The following SH3TC2 variants were observed in gnomAD, a reference collection of about 807,000 sequenced individuals.
SH3TC2 encodes SH3 domain and tetratricopeptide repeats 2, also known as SH3 domain and tetratricopeptide repeat-containing protein 2.
In SH3TC2, 87 loss-of-function variants were observed where a neutral mutation model predicts 124.5. The observed-to-expected ratio is 0.70, with a 90% CI of 0.59 to 0.84. SH3TC2 has a LOEUF of 0.84. Among genes scored for constraint, SH3TC2 ranks in the 40% least tolerant of loss-of-function variants. SH3TC2 has a pLI of 0.00. For synonymous variants in SH3TC2, 634 were observed against 628.5 expected, an observed-to-expected ratio of 1.01 and a Z score of -0.13; for missense variants, 1,536 against 1,566.4, an observed-to-expected ratio of 0.98 and a Z score of 0.33.
At position 149,004,523 on chromosome 5, in the gene SH3TC2, C is replaced by A. The variant is rs899069289; in HGVS notation, c.*188G>T. The A allele has an allele frequency of 7.7e-6, 5 of 646,964 alleles. No individual in the cohort carries two copies. The Admixed American group carries it at 1.5e-4, about 19-fold the overall frequency. The allele number at this position is 646,964 out of a possible 1,614,324, so 40.1% of individuals were successfully genotyped here. Reference sequence around the variant, plus strand: ...AAAGCCTGGAACCAGGAATTCTCATCGCTGCACCATCAAATCTTTCTGTGG... The same window carrying A: ...AAAGCCTGGAACCAGGAATTCTCATAGCTGCACCATCAAATCTTTCTGTGG... On this transcript the variant is annotated 3_prime_UTR_variant, in exon 17 of 17. Transcript: ENST00000515425.
chr5:149,012,488 T>G (rs547951260), intron 13 of SH3TC2, 96 bp downstream of exon 13: 2 of 1,468,856 alleles, frequency 1.4e-6, no homozygotes, highest in African/African-American at 2.8e-5. Flanking sequence ...GTGAACATCA[T>G]CCCTCTCTGG....
chr5:149,011,451 CA>C (rs1753781793), intron 13 of SH3TC2, among the ~76,000 whole-genome samples: 1 of 152,228 alleles, frequency 6.6e-6, no homozygotes, highest in Non-Finnish European at 1.5e-5. Context: ...CCAAAAATCG[CA>C]AGGCAGATGG....
rs755666455 is a variant in SH3TC2, at chr5:149,062,993, C to T, written c.30G>A (p.Glu10=). 3 of 1,599,548 alleles carry T rather than the reference C, an allele frequency of 1.9e-6. No homozygotes were observed. The highest frequency in any genetic ancestry group is 3.4e-5 in the Admixed American group (2 of 58,592). The change falls in exon 1 of 17, where the codon GAG becomes GAA. Residue 10 remains glutamate, a synonymous_variant. Coordinates refer to ENST00000515425, the MANE Select transcript of SH3TC2 (RefSeq NM_024577.4). ...CACCTGGGCCCCGGGTCAGACTCCG[C>T]TCCCTGGGGATGCAGAAGCAGCCAC... MGGCFCIPR[E]RSLTRGPGKE...
chr5:149,029,690 A>G (rs1031055243), intron 9 of SH3TC2, among the ~76,000 whole-genome samples: 1 of 152,150 alleles, frequency 6.6e-6, no homozygotes, highest in African/African-American at 2.4e-5. Flanking sequence ...ACAGAGGCCA[A>G]GGTGACTTAA....
At position 148,982,402 on chromosome 5, in the gene SH3TC2, A is replaced by G. The variant is rs551124012; in HGVS notation, c.*22309T>C. 6.6e-6 allele frequency among the ~76,000 whole-genome samples: 1 copy of G among 152,338 alleles called. No individual in the cohort carries two copies. Among genetic ancestry groups the G allele is most frequent in the South Asian group, 2.1e-4 (1 of 4,824 alleles). On this transcript the variant is annotated 3_prime_UTR_variant, in exon 17 of 17. Coordinates refer to ENST00000515425, the MANE Select transcript of SH3TC2 (RefSeq NM_024577.4). ...TTCACTTTTGTGGAATTTTTCCTAC[A>G]TATATAATCACAATCACATGAAATG...
rs1413079607 is a variant in SH3TC2 at position 148,990,780 on chromosome 5, C to T, written c.*13931G>A. Among the ~76,000 whole-genome samples, 1 of 152,114 alleles carries T rather than the reference C, an allele frequency of 6.6e-6. No individual in the cohort carries two copies. On this transcript the variant is annotated 3_prime_UTR_variant, in exon 17 of 17. Coordinates refer to ENST00000515425, the MANE Select transcript of SH3TC2 (RefSeq NM_024577.4). ...TATTTATTATAGAGTATACAGGATA[C>T]AAAATATAATAGCAATTATATATTA...
Position 149,008,935 on chromosome 5 carries a change from G to A in SH3TC2, c.3394C>T (p.Leu1132=). ...VRTELRIFNK[L]TELQISLEGY... Reference sequence around the variant, plus strand: ...TCGAGGCTAATCTGCAGCTCTGTCAGCTTATTGAAAATCCGGAGCTCAGTT... The same window carrying A: ...TCGAGGCTAATCTGCAGCTCTGTCAACTTATTGAAAATCCGGAGCTCAGTT... The change falls in exon 15 of 17, where the codon CTG becomes TTG. Residue 1132 remains leucine, a synonymous_variant. Transcript: ENST00000515425. 2 of 1,614,204 alleles carry A rather than the reference G, an allele frequency of 1.2e-6. No individual in the cohort carries two copies. Among genetic ancestry groups the A allele is most frequent in the Admixed American group, 1.7e-5 (1 of 60,028 alleles).
Position 149,041,453 on chromosome 5 carries a change from C to T in SH3TC2, c.694G>A (p.Val232Met). 3 of 1,613,582 alleles carry T rather than the reference C, an allele frequency of 1.9e-6. No homozygotes were observed. The highest frequency in any genetic ancestry group is 2.5e-6 in the Non-Finnish European group (3 of 1,180,022). Residue 232 changes from valine (V) to methionine (M), a missense_variant, in exon 6 of 17, where the codon GTG becomes ATG. Val to Met is a conservative substitution (Grantham distance 21). Transcript: ENST00000515425. ...AGAGGCAGAGGCTCCAAGGCTGACA[C>T]CAGTACCAGGCCCCGCTGACCTGTC... ...LVTGQRGLVL[V>M]SALEPLPLPF...
chr5:149,013,255 C>T (rs531181900), intron 12 of SH3TC2, among the ~76,000 whole-genome samples: 3 of 152,096 alleles, frequency 2.0e-5, no homozygotes, highest in African/African-American at 4.8e-5. Flanking sequence ...ATCATGGGGC[C>T]GTTACCCCCA....
chr5:149,039,931 T>G (rs184135471), intron 7 of SH3TC2, among the ~76,000 whole-genome samples: 1 of 152,272 alleles, frequency 6.6e-6, no homozygotes, highest in East Asian at 1.9e-4. Flanking sequence ...AAAATTGTAC[T>G]TTGTGGTAGG....
intron 7 of SH3TC2, 60 bp from the exon 8 acceptor site, chr5:149,038,550 C>T (rs1754321354): frequency 6.5e-7 from 1 of 1,537,050 alleles, no homozygotes. Flanking sequence ...CCTCCCATCA[C>T]CTTCCAATGC....
At chr5:149,014,651 C>T (rs1320051987) in intron 12 of SH3TC2, among the ~76,000 whole-genome samples, 54 of 152,224 alleles carry the variant, frequency 3.5e-4, no homozygotes, top group Non-Finnish European at 8.8e-5. Context: ...GCGCTGGCCA[C>T]TCTTTCTCAA....
rs751022040 is a variant in SH3TC2, at chr5:149,041,465, C to A, written c.682G>T (p.Gly228Cys). The change falls in exon 6 of 17, where the codon GGC becomes TGC. Residue 228 changes from glycine (G) to cysteine (C), a missense_variant. Gly to Cys is a radical substitution (Grantham distance 159). This residue lies in a region of SH3TC2 where 1,102 missense variants were observed against 1,098.6 expected (regional missense o/e 1.00). Coordinates refer to ENST00000515425, the MANE Select transcript of SH3TC2 (RefSeq NM_024577.4). ...EGVSLVTGQR[G>C]LVLVSALEPL... is the part of the protein sequence containing the mutation. ...TCCAAGGCTGACACCAGTACCAGGCCCCGCTGACCTGTCACCAAAGACACG... is the reference window on the plus strand; with the variant it reads ...TCCAAGGCTGACACCAGTACCAGGCACCGCTGACCTGTCACCAAAGACACG... 4 of 1,613,852 alleles carry A rather than the reference C, an allele frequency of 2.5e-6. No individual in the cohort carries two copies. Among genetic ancestry groups the A allele is most frequent in the East Asian group, 2.2e-5 (1 of 44,878 alleles).
At position 149,060,129 on chromosome 5, in the gene SH3TC2, G is replaced by A. The variant is rs564205018; in HGVS notation, c.52+2842C>T. The stretch of plus-strand genomic sequence containing the variant: ...ACAAGCACCAGTGATCAACAGAGGC[G>A]AATGTATCTCTTCCACATCTTCTAT... On this transcript the variant is annotated intron_variant, in intron 1 of 16. Transcript: ENST00000515425. 1.1e-4 allele frequency among the ~76,000 whole-genome samples: 16 copies of A among 152,318 alleles called. No individual in the cohort carries two copies. In the South Asian group the frequency reaches 3.3e-3, roughly 32 times the overall value.
chr5:149,028,526 G>A lies in SH3TC2; in HGVS notation c.1206C>T (p.Val402=), dbSNP rs1754123538. ...GCTCCTCCCAGGCTCTGCCAGGCCT[G>A]ACCTCCTTGAAACCTTCAGGCTGGG... ...SASQPEGFKE[V]RPGRAWEEHQ... Residue 402 remains valine (V), a synonymous_variant, in exon 11 of 17, where the codon GTC becomes GTT. Transcript: ENST00000515425. The A allele has an allele frequency of 1.2e-6, 2 of 1,613,890 alleles. No homozygotes were observed. Among genetic ancestry groups the A allele is most frequent in the Non-Finnish European group, 1.7e-6 (2 of 1,179,946 alleles).
rs1307827752 is a variant in SH3TC2 at position 149,000,559 on chromosome 5, T to G, written c.*4152A>C. On this transcript the variant is annotated 3_prime_UTR_variant, in exon 17 of 17. Transcript: ENST00000515425. ...ACTAGTCATCCCTTATAAAAATAAG[T>G]TAATATGAGTAAAAGAAGTAAATCA... Among the ~76,000 whole-genome samples the G allele has an allele frequency of 6.6e-6, 1 of 152,242 alleles. No individual in the cohort carries two copies. Among genetic ancestry groups the G allele is most frequent in the Non-Finnish European group, 1.5e-5 (1 of 68,044 alleles).
intron 8 of SH3TC2, among the ~76,000 whole-genome samples, chr5:149,036,952 CCT>C (rs766536976): frequency 2.0e-5 from 3 of 152,152 alleles, no homozygotes; most frequent in Non-Finnish European, 4.4e-5. Flanking sequence ...CCAGATTCCC[CCT>C]GATGATGCAT....
At chr5:149,044,847 A>C in intron 3 of SH3TC2, 1 of 523,754 alleles carries the variant, frequency 1.9e-6, no homozygotes, top group Non-Finnish European at 3.4e-6. Flanking sequence ...TGTATTATGC[A>C]GCCACAGAAA....
intron 12 of SH3TC2, among the ~76,000 whole-genome samples, chr5:149,014,364 G>A (rs770370533): frequency 2.5e-4 from 38 of 152,162 alleles, no homozygotes; most frequent in African/African-American, 3.9e-4. Context: ...CAGAAATACC[G>A]ATCATCATCA....
Sources: gnomAD v4.1 joint callset for allele counts (sites outside exome capture counted in the v4.1 genomes callset) on GRCh38, gnomAD v4.1.1 for gene constraint, gnomAD v4.1.1 regional missense constraint, MANE v1.5 for transcripts, NCBI Gene and HGNC (gene_info 2026-07-23, HGNC 2026-07-21) for gene names.